LIMCH1: variants seen among roughly 807,000 people sequenced by gnomAD.
The protein encoded by LIMCH1 is LIM and calponin homology domains 1.
A neutral mutation model predicts 176.5 loss-of-function variants in LIMCH1; 113 were observed. The ratio of observed to expected loss-of-function variants is 0.64; its 90% CI spans 0.55 to 0.75. LIMCH1 has a LOEUF of 0.75. LIMCH1 is among the 30% of genes least tolerant of loss of function. LIMCH1 has a pLI of 0.00. For synonymous variants in LIMCH1, 619 were observed against 645.9 expected, an observed-to-expected ratio of 0.96 and a Z score of 0.63; for missense variants, 1,674 against 1,814.9, an observed-to-expected ratio of 0.92 and a Z score of 1.41.
chr4:41,557,544 C>CTGTGTGTGTGTGTGTGTG (rs1027942562), intron 1 of LIMCH1, among the ~76,000 whole-genome samples: 1 of 99,840 alleles, frequency 1.0e-5, no homozygotes, highest in African/African-American at 9.3e-5. Context: ...TCTTTATTGC[C>CTGTGTGTGTGTGTGTGTG]TCTGTGTGTG....
intron 1 of LIMCH1, among the ~76,000 whole-genome samples, chr4:41,549,317 T>G (rs1436464471): frequency 6.6e-6 from 1 of 152,190 alleles, no homozygotes; most frequent in Non-Finnish European, 1.5e-5. Context: ...CTCTTCACAG[T>G]AACCCAAAAA....
At chr4:41,426,646 C>T (rs955406861) in intron 1 of LIMCH1, among the ~76,000 whole-genome samples, 1 of 152,208 alleles carries the variant, frequency 6.6e-6, no homozygotes, top group African/African-American at 2.4e-5. Flanking sequence ...GTTGTTTCCA[C>T]ACAGCATTGT....
chr4:41,512,758 T>G (rs1383973270), intron 2 of LIMCH1, among the ~76,000 whole-genome samples: 2 of 151,848 alleles, frequency 1.3e-5, no homozygotes, highest in African/African-American at 4.8e-5. Flanking sequence ...TGTGGGTGAG[T>G]AAGAGGGGAA....
intron 1 of LIMCH1, among the ~76,000 whole-genome samples, chr4:41,559,146 C>T (rs1452406874): frequency 4.6e-5 from 7 of 152,146 alleles, no homozygotes; most frequent in Non-Finnish European, 8.8e-5. Flanking sequence ...CTTTTAAATA[C>T]AGTACTCTAA....
intron 1 of LIMCH1, among the ~76,000 whole-genome samples, chr4:41,572,716 T>G (rs753339360): frequency 1.1e-4 from 16 of 152,184 alleles, no homozygotes; most frequent in Non-Finnish European, 2.2e-4. Flanking sequence ...ACCAGAGTAT[T>G]GTCACATGGT....
rs563080628 is a variant in LIMCH1, at chr4:41,450,114, A to G, written c.97-44422A>G. ...AAGGTACTGGGGGTTACGACTTCAT[A>G]TGAGTTTGCAGAGTGGCGCACAATT... On this transcript the variant is annotated intron_variant, in intron 1 of 26. Transcript: ENST00000313860. Among the ~76,000 whole-genome samples, 8 of 152,330 alleles carry G rather than the reference A, an allele frequency of 5.3e-5. No homozygotes were observed. The East Asian group carries it at 9.6e-4, about 18-fold the overall frequency.
chr4:41,647,012 A>G, intron 17 of LIMCH1, 119 bp downstream of exon 17: 2 of 965,524 alleles, frequency 2.1e-6, no homozygotes, highest in Non-Finnish European at 3.1e-6. Flanking sequence ...ATGTGTTGAC[A>G]TTTACAGCTG....
intron 1 of LIMCH1, among the ~76,000 whole-genome samples, chr4:41,438,833 G>T (rs1052418787): frequency 6.6e-6 from 1 of 152,164 alleles, no homozygotes; most frequent in Non-Finnish European, 1.5e-5. Flanking sequence ...TTTACATCTT[G>T]CTCAGCAAGA....
intron 14 of LIMCH1, among the ~76,000 whole-genome samples, chr4:41,641,576 A>G (rs1047086255): frequency 2.6e-5 from 4 of 152,254 alleles, no homozygotes; most frequent in African/African-American, 9.6e-5. Context: ...GAATATTTGC[A>G]TATACATAGT....
intron 3 of LIMCH1, among the ~76,000 whole-genome samples, chr4:41,604,606 T>G (rs577735381): frequency 1.3e-5 from 2 of 152,310 alleles, no homozygotes; most frequent in East Asian, 3.9e-4. Context: ...TTTTTCATCA[T>G]AAAATTTTAA....
At chr4:41,623,528 C>T (rs747011821) in intron 7 of LIMCH1, among the ~76,000 whole-genome samples, 3 of 152,112 alleles carry the variant, frequency 2.0e-5, no homozygotes, top group Non-Finnish European at 4.4e-5. Flanking sequence ...CAGGCCGAGG[C>T]GGGCGGATCA....
intron 1 of LIMCH1, among the ~76,000 whole-genome samples, chr4:41,369,984 TTACCCAA>T (rs1352576922): frequency 9.7e-6 from 1 of 102,868 alleles, no homozygotes; most frequent in Non-Finnish European, 2.0e-5. Flanking sequence ...AAAAAGCAGT[TTACCCAA>T]TAGTTGCCTG....
chr4:41,661,469 G>A lies in LIMCH1; in HGVS notation c.3086G>A (p.Gly1029Asp), dbSNP rs1372308345. 1.9e-6 allele frequency: 3 copies of A among 1,613,228 alleles called. No individual in the cohort carries two copies. Among genetic ancestry groups the A allele is most frequent in the Non-Finnish European group, 2.5e-6 (3 of 1,179,704 alleles). The change falls in exon 19 of 32, where the codon GGT (glycine) becomes GAT (aspartate). Residue 1029 changes from glycine to aspartate, a missense_variant. Gly to Asp is a moderately conservative substitution (Grantham distance 94). Transcript: ENST00000503057. Reference protein sequence around the residue: ...EPNSQEDKNDGGKSRKGNIEL... With the variant: ...EPNSQEDKNDDGKSRKGNIEL... ...AATAGTCAAGAGGACAAGAATGATG[G>A]TGGAAAATCAAGAAAAGGGAATATA...
chr4:41,529,369 G>A (rs2077014297), intron 3 of LIMCH1, among the ~76,000 whole-genome samples: 1 of 152,176 alleles, frequency 6.6e-6, no homozygotes, highest in Non-Finnish European at 1.5e-5. Flanking sequence ...AAGTATAATT[G>A]GAAATAGGTG....
At chr4:41,492,043 A>T (rs1007525078) in intron 1 of LIMCH1, among the ~76,000 whole-genome samples, 4 of 152,186 alleles carry the variant, frequency 2.6e-5, no homozygotes, top group African/African-American at 9.7e-5. Context: ...TTGGGAGGCC[A>T]AGGCAGGCGG....
At chr4:41,644,354 A>G (rs980262910) in intron 14 of LIMCH1, 146 bp from the exon 15 acceptor site, 4 of 1,111,486 alleles carry the variant, frequency 3.6e-6, no homozygotes, top group Non-Finnish European at 4.8e-6. Context: ...GCCAGAACAC[A>G]CCGCCAGTCA....
At chr4:41,689,298 A>G (rs1014560631) in intron 29 of LIMCH1, among the ~76,000 whole-genome samples, 5 of 152,208 alleles carry the variant, frequency 3.3e-5, no homozygotes, top group African/African-American at 1.2e-4. Context: ...CACACGCACC[A>G]GATTCAGTAC....
chr4:41,471,947 T>C (rs1048342171), intron 1 of LIMCH1, among the ~76,000 whole-genome samples: 2 of 152,222 alleles, frequency 1.3e-5, no homozygotes, highest in African/African-American at 4.8e-5. Flanking sequence ...CTCTTGAACA[T>C]CTACACACAA....
At chr4:41,609,509 T>A (rs1237136366) in intron 4 of LIMCH1, 1 of 385,606 alleles carries the variant, frequency 2.6e-6, no homozygotes, top group Non-Finnish European at 5.2e-6. Context: ...GCCCTCTAGA[T>A]CAGGGTGAGC....
Sources: allele counts gnomAD v4.1 joint callset (sites outside exome capture counted in the v4.1 genomes callset), GRCh38; gene constraint gnomAD v4.1.1; transcripts MANE v1.5; gene names NCBI Gene and HGNC (gene_info 2026-07-23, HGNC 2026-07-21).